TBC1D4: variants seen among roughly 807,000 people sequenced by gnomAD.
TBC1D4 encodes TBC (Tre-2, BUB2, CDC16) domain-containing protein.
Under a neutral mutation model 142.5 loss-of-function variants are expected in TBC1D4, and 121 were observed. The observed-to-expected ratio is 0.85, with a 90% CI of 0.73 to 0.99. The LOEUF is 0.99. Among genes scored for constraint, TBC1D4 ranks in the 50% least tolerant of loss-of-function variants. TBC1D4 has a pLI of 0.00. For missense variants in TBC1D4, 1,475 were observed against 1,606.6 expected (o/e 0.92, Z 1.40); for synonymous variants, 630 against 628.2 (o/e 1.00, Z -0.04).
chr13:75,440,429 A>C (rs1886988176), intron 1 of TBC1D4, among the ~76,000 whole-genome samples: 1 of 152,132 alleles, frequency 6.6e-6, no homozygotes, highest in African/African-American at 2.4e-5. Context: ...AAATTTTAGA[A>C]GGAAAAAAAA....
At chr13:75,357,971 T>G (rs1253558016) in intron 3 of TBC1D4, among the ~76,000 whole-genome samples, 1 of 149,778 alleles carries the variant, frequency 6.7e-6, no homozygotes, top group Non-Finnish European at 1.5e-5. Context: ...AACTTCCAAT[T>G]TTTGGTTTGG....
intron 16 of TBC1D4, among the ~76,000 whole-genome samples, chr13:75,301,196 A>G (rs1410772531): frequency 2.6e-5 from 4 of 152,208 alleles, no homozygotes; most frequent in African/African-American, 9.6e-5. Flanking sequence ...TTAGGAGTAC[A>G]AATAAAGTGG....
intron 1 of TBC1D4, among the ~76,000 whole-genome samples, chr13:75,401,836 AC>A (rs1318710770): frequency 1.3e-5 from 2 of 152,206 alleles, no homozygotes; most frequent in East Asian, 1.9e-4. Context: ...ATGGAGACAG[AC>A]CCTTTTTCAG....
chr13:75,363,598 G>A (rs1194980691), intron 1 of TBC1D4, among the ~76,000 whole-genome samples: 3 of 152,150 alleles, frequency 2.0e-5, no homozygotes, highest in Non-Finnish European at 4.4e-5. Flanking sequence ...ACGGATCCAA[G>A]GTACTTCTTA....
chr13:75,382,846 G>A (rs755285209), intron 1 of TBC1D4, among the ~76,000 whole-genome samples: 4 of 152,032 alleles, frequency 2.6e-5, no homozygotes, highest in South Asian at 2.1e-4. Flanking sequence ...TATTCTGTGC[G>A]TACTGGGTTA....
intron 19 of TBC1D4, 127 bp from the exon 20 acceptor site, chr13:75,289,237 AGC>A: frequency 2.6e-6 from 3 of 1,134,606 alleles, no homozygotes; most frequent in Admixed American, 2.1e-5. Flanking sequence ...AGCATAAAAA[AGC>A]AAAAAAAAAG....
intron 1 of TBC1D4, among the ~76,000 whole-genome samples, chr13:75,383,928 A>G (rs1884013749): frequency 6.6e-6 from 1 of 152,038 alleles, no homozygotes; most frequent in Admixed American, 6.6e-5. Context: ...TTCCTGAACT[A>G]TTCTTTCTCA....
At position 75,312,827 on chromosome 13, in the gene TBC1D4, A is replaced by C. The variant is rs753489167; in HGVS notation, c.2294T>G (p.Val765Gly). The change falls in exon 13 of 21, where the codon GTC (valine) becomes GGC (glycine). Residue 765 changes from valine to glycine, a missense_variant. Around this residue, in one of 2 missense-constraint regions of TBC1D4, gnomAD observed 1,227 missense variants for 1,267.7 expected, o/e 0.97. Transcript: ENST00000377636. The stretch of plus-strand genomic sequence containing the variant: ...CCGCCAGGAGATCCGGCGAGGAGTG[A>C]CAGAGGTTCCTCCCACACTTAGGGA... Reference protein sequence around the residue: ...NESLSVGGTSVTPRRISWRQR... With the variant: ...NESLSVGGTSGTPRRISWRQR... 5.0e-6 allele frequency: 8 copies of C among 1,614,210 alleles called. No homozygotes were observed. In the South Asian group the frequency reaches 8.8e-5, roughly 18 times the overall value.
At chr13:75,391,032 C>CCACACACA (rs71127539) in intron 1 of TBC1D4, among the ~76,000 whole-genome samples, 131 of 136,786 alleles carry the variant, frequency 9.6e-4, no homozygotes, top group African/African-American at 3.5e-3. Context: ...TATTCCCCCA[C>CCACACACA]CACACACACA....
At chr13:75,332,579 C>A (rs1166124507) in intron 8 of TBC1D4, among the ~76,000 whole-genome samples, 1 of 58,576 alleles carries the variant, frequency 1.7e-5, no homozygotes, top group Non-Finnish European at 7.4e-5. Context: ...TTGTTGAAAC[C>A]CAAATTACTG....
chr13:75,428,445 A>G (rs1886466377), intron 1 of TBC1D4, among the ~76,000 whole-genome samples: 2 of 152,214 alleles, frequency 1.3e-5, no homozygotes, highest in Non-Finnish European at 2.9e-5. Flanking sequence ...AAATACAGTA[A>G]TGGAAAACCA....
chr13:75,389,514 G>T (rs1884354806), intron 1 of TBC1D4, among the ~76,000 whole-genome samples: 2 of 151,896 alleles, frequency 1.3e-5, no homozygotes, highest in Non-Finnish European at 2.9e-5. Flanking sequence ...TTGTAGAAAA[G>T]CTTGGTTTTA....
Position 75,481,834 on chromosome 13 carries a change from A to T in TBC1D4, c.-67T>A. 1 of 1,413,818 alleles carries T rather than the reference A, an allele frequency of 7.1e-7. No individual in the cohort carries two copies. Among genetic ancestry groups the T allele is most frequent in the Non-Finnish European group, 9.1e-7 (1 of 1,093,642 alleles). 87.6% of individuals were successfully genotyped at this position (1,413,818 alleles called of 1,614,324 possible). A position where few individuals can be genotyped will look rare whatever the true frequency, so the allele number is the denominator to read the frequency against. On this transcript the variant is annotated 5_prime_UTR_variant, in exon 1 of 21. Coordinates refer to ENST00000377636, the MANE Select transcript of TBC1D4 (RefSeq NM_014832.5). Reference sequence around the variant, plus strand: ...CACCGCGCCCCCCACTCCCGCGCAGAAGGCGCCGCCGAAACTGTGCCAACT... The same window carrying T: ...CACCGCGCCCCCCACTCCCGCGCAGTAGGCGCCGCCGAAACTGTGCCAACT...
chr13:75,304,312 G>T (rs1433768240), intron 15 of TBC1D4, among the ~76,000 whole-genome samples: 1 of 152,112 alleles, frequency 6.6e-6, no homozygotes, highest in Non-Finnish European at 1.5e-5. Context: ...AACATTTATT[G>T]AGCATCCAGT....
At chr13:75,299,214 C>T in intron 17 of TBC1D4, 116 bp downstream of exon 17, 2 of 1,551,882 alleles carry the variant, frequency 1.3e-6, no homozygotes, top group Non-Finnish European at 1.7e-6. Context: ...AATCTTTACC[C>T]AAGTTCTAAG....
At chr13:75,356,879 G>T (rs1882097739) in intron 3 of TBC1D4, among the ~76,000 whole-genome samples, 1 of 152,110 alleles carries the variant, frequency 6.6e-6, no homozygotes, top group Non-Finnish European at 1.5e-5. Flanking sequence ...AGAATCATCT[G>T]TGATTTTCAT....
chr13:75,323,498 T>TA (rs1566377883), intron 11 of TBC1D4, among the ~76,000 whole-genome samples: 1 of 152,008 alleles, frequency 6.6e-6, no homozygotes, highest in South Asian at 2.1e-4. Flanking sequence ...TTAATTTTTT[T>TA]TAAAAAAAGC....
intron 1 of TBC1D4, among the ~76,000 whole-genome samples, chr13:75,379,056 A>G (rs1429957027): frequency 6.6e-6 from 1 of 152,162 alleles, no homozygotes; most frequent in Non-Finnish European, 1.5e-5. Flanking sequence ...GTGTTGAGCA[A>G]CATTAAAAAA....
At chr13:75,428,719 C>G (rs1282731496) in intron 1 of TBC1D4, among the ~76,000 whole-genome samples, 2 of 152,218 alleles carry the variant, frequency 1.3e-5, no homozygotes, top group Non-Finnish European at 2.9e-5. Flanking sequence ...TGGAATCACT[C>G]TTCATCTGAA....
Sources: allele counts gnomAD v4.1 joint callset (sites outside exome capture counted in the v4.1 genomes callset), GRCh38; gene constraint gnomAD v4.1.1; regional missense constraint gnomAD v4.1.1; transcripts MANE v1.5; gene names NCBI Gene and HGNC (gene_info 2026-07-23, HGNC 2026-07-21).